MRC1: variants seen among roughly 807,000 people sequenced by gnomAD.
The protein encoded by MRC1 is macrophage mannose receptor 1.
A neutral mutation model predicts 102.9 loss-of-function variants in MRC1; 62 were observed. The ratio of observed to expected loss-of-function variants is 0.60; its 90% CI spans 0.49 to 0.74. MRC1 has a LOEUF of 0.74. Among genes scored for constraint, MRC1 ranks in the 30% least tolerant of loss-of-function variants. The probability of loss-of-function intolerance (pLI) is 0.00; values close to 1 mark genes in which losing one functional copy is unlikely to be tolerated. For synonymous variants in MRC1, 457 were observed against 298.4 expected (o/e 1.53, Z -5.48); for missense variants, 1,237 against 862.8 (o/e 1.43, Z -5.43).
intron 8 of MRC1, among the ~76,000 whole-genome samples, chr10:17,855,282 C>T (rs1833069454): frequency 6.6e-6 from 1 of 152,020 alleles, no homozygotes; most frequent in Non-Finnish European, 1.5e-5. Flanking sequence ...GATGAAGACG[C>T]TGCATGCGGC....
At position 17,900,808 on chromosome 10, in the gene MRC1, G is replaced by A; in HGVS notation, c.3504G>A (p.Trp1168Ter). Residue 1168 changes from tryptophan (W) to a stop codon, truncating the protein, a stop_gained, in exon 25 of 30, where the codon TGG becomes TGA. Transcript: ENST00000569591. LOFTEE classifies it high-confidence loss of function. ...NSNLTDNQYT[W>*]TDKWRVRYTN... ...TGCAGACTGATAATCAATACACTTG[G>A]ACTGATAAGTGGAGGGTGAGGTACA... 1 of 780,752 alleles carries A rather than the reference G, an allele frequency of 1.3e-6. No homozygotes were observed. The highest frequency in any genetic ancestry group is 2.4e-6 in the Non-Finnish European group (1 of 417,942). 48.4% of individuals were successfully genotyped at this position (780,752 alleles called of 1,614,324 possible).
At chr10:17,909,213 T>TC in intron 28 of MRC1, 93 bp from the exon 29 acceptor site, 1 of 739,774 alleles carries the variant, frequency 1.4e-6, no homozygotes, top group South Asian at 1.4e-5. Flanking sequence ...ACATCAAATG[T>TC]GGAGGATTCC....
At chr10:17,816,822 A>C (rs1454657072) in intron 1 of MRC1, among the ~76,000 whole-genome samples, 2 of 152,224 alleles carry the variant, frequency 1.3e-5, no homozygotes, top group Admixed American at 1.3e-4. Flanking sequence ...AAAATCTAAA[A>C]ATGTATAAGA....
intron 26 of MRC1, among the ~76,000 whole-genome samples, chr10:17,904,261 G>T (rs1259188992): frequency 2.0e-5 from 3 of 152,094 alleles, no homozygotes; most frequent in Non-Finnish European, 4.4e-5. Context: ...TTGAGTTACT[G>T]TTGAGTGCCC....
intron 12 of MRC1, among the ~76,000 whole-genome samples, chr10:17,869,447 C>T (rs1035507618): frequency 6.6e-6 from 1 of 151,936 alleles, no homozygotes; most frequent in Non-Finnish European, 1.5e-5. Flanking sequence ...ATTTTTTTTC[C>T]CACAAGGCTG....
chr10:17,906,627 T>G (rs1448792993), intron 26 of MRC1, among the ~76,000 whole-genome samples: 2 of 152,238 alleles, frequency 1.3e-5, no homozygotes, highest in African/African-American at 4.8e-5. Context: ...GAAGACATAC[T>G]CTACATCCTA....
intron 22 of MRC1, among the ~76,000 whole-genome samples, chr10:17,893,153 C>G (rs1833704897): frequency 3.3e-5 from 5 of 151,072 alleles, no homozygotes; most frequent in Admixed American, 1.3e-4. Flanking sequence ...CCCTCCCTCC[C>G]TCCCTTTCTT....
At chr10:17,903,392 CTTTTT>C (rs35118275) in intron 26 of MRC1, among the ~76,000 whole-genome samples, 6 of 88,862 alleles carry the variant, frequency 6.8e-5, no homozygotes, top group Non-Finnish European at 1.3e-4. Context: ...CTTTTTTTTT[CTTTTT>C]TTTTTTTTTT....
chr10:17,864,150 G>A, intron 11 of MRC1, among the ~76,000 whole-genome samples: 1 of 152,042 alleles, frequency 6.6e-6, no homozygotes, highest in East Asian at 1.9e-4. Context: ...CCACAGGCAT[G>A]TACCAGCACG....
intron 6 of MRC1, among the ~76,000 whole-genome samples, chr10:17,847,456 A>G (rs569524445): frequency 4.1e-4 from 63 of 152,308 alleles, no homozygotes; most frequent in African/African-American, 1.5e-3. Flanking sequence ...GAACATCTCT[A>G]TACTCCCTGG....
intron 26 of MRC1, among the ~76,000 whole-genome samples, chr10:17,906,044 A>G (rs1564627659): frequency 6.6e-6 from 1 of 152,206 alleles, no homozygotes; most frequent in Non-Finnish European, 1.5e-5. Flanking sequence ...TGTCACTTCC[A>G]TAGCCATCTA....
chr10:17,868,870 G>T (rs1311106255), intron 12 of MRC1, among the ~76,000 whole-genome samples: 1 of 152,228 alleles, frequency 6.6e-6, no homozygotes, highest in African/African-American at 2.4e-5. Context: ...GGCTAAGACA[G>T]AAGAGGTTTG....
intron 4 of MRC1, among the ~76,000 whole-genome samples, chr10:17,834,279 G>A (rs1263577132): frequency 6.6e-6 from 1 of 152,208 alleles, no homozygotes; most frequent in Non-Finnish European, 1.5e-5. Flanking sequence ...GTCAGAGGCT[G>A]TTTTGAAACC....
At position 17,900,853 on chromosome 10, in the gene MRC1, G is replaced by A; in HGVS notation, c.3549G>A (p.Glu1183=). The A allele has an allele frequency of 1.0e-5, 8 of 780,788 alleles. No individual in the cohort carries two copies. In the South Asian group the frequency reaches 1.1e-4, roughly 10 times the overall value. The allele number at this position is 780,788 out of a possible 1,614,324, so 48.4% of individuals were successfully genotyped here. ...RVRYTNWAAD[E]PKLKSACVYL... is the part of the protein sequence containing the mutation. ...GGTACACTAACTGGGCTGCTGATGAGCCCAAATTGAAATCAGCATGTGTTT... is the reference window on the plus strand; with the variant it reads ...GGTACACTAACTGGGCTGCTGATGAACCCAAATTGAAATCAGCATGTGTTT... Residue 1183 remains glutamate, a synonymous_variant, in exon 25 of 30, where the codon GAG becomes GAA. Transcript: ENST00000569591.
chr10:17,824,876 G>C (rs1479718930), intron 2 of MRC1, among the ~76,000 whole-genome samples: 1 of 152,024 alleles, frequency 6.6e-6, no homozygotes, highest in African/African-American at 2.4e-5. Context: ...AATATACATA[G>C]GGTTTGGGCT....
intron 21 of MRC1, among the ~76,000 whole-genome samples, chr10:17,881,677 T>C (rs1554842435): frequency 1.1e-5 from 1 of 93,916 alleles, no homozygotes; most frequent in Non-Finnish European, 2.6e-5. Context: ...TTGATTTTTT[T>C]TTTTTTTTTT....
intron 18 of MRC1, among the ~76,000 whole-genome samples, chr10:17,878,355 C>T (rs973661534): frequency 6.6e-6 from 1 of 152,212 alleles, no homozygotes; most frequent in Admixed American, 6.5e-5. Flanking sequence ...GTATCCTTTC[C>T]TATTGCCCTG....
At chr10:17,828,109 C>T (rs1838509694) in intron 3 of MRC1, among the ~76,000 whole-genome samples, 2 of 152,212 alleles carry the variant, frequency 1.3e-5, no homozygotes, top group African/African-American at 4.8e-5. Flanking sequence ...CGGAGTCTCG[C>T]TGTGTCTCCC....
intron 6 of MRC1, among the ~76,000 whole-genome samples, chr10:17,846,009 G>A (rs909528372): frequency 2.6e-5 from 4 of 152,250 alleles, no homozygotes; most frequent in African/African-American, 7.2e-5. Context: ...TCCTGGGTTC[G>A]TGATTCTCCT....
Sources: gnomAD v4.1 joint callset for allele counts (sites outside exome capture counted in the v4.1 genomes callset) on GRCh38, gnomAD v4.1.1 for gene constraint, MANE v1.5 for transcripts, NCBI Gene and HGNC (gene_info 2026-07-23, HGNC 2026-07-21) for gene names.